Variants in ZFPM2 observed in about 807,000 individuals in gnomAD.
The protein encoded by ZFPM2 is zinc finger protein ZFPM2.
In ZFPM2, 20 loss-of-function variants were observed where a neutral mutation model predicts 98.6. The observed-to-expected ratio is 0.20, with a 90% CI of 0.14 to 0.29. ZFPM2 has a LOEUF of 0.29. Ranked by LOEUF, ZFPM2 falls within the 10% of genes least tolerant of loss-of-function variation. The probability of loss-of-function intolerance (pLI) is 1.00; values close to 1 mark genes in which losing one functional copy is unlikely to be tolerated. For missense variants in ZFPM2, 1,310 were observed against 1,388.6 expected, an observed-to-expected ratio of 0.94 and a Z score of 0.90; for synonymous variants, 518 against 502.7, an observed-to-expected ratio of 1.03 and a Z score of -0.41.
At chr8:105,424,047 T>C (rs1297519645) in intron 2 of ZFPM2, among the ~76,000 whole-genome samples, 2 of 152,120 alleles carry the variant, frequency 1.3e-5, no homozygotes, top group East Asian at 3.9e-4. Flanking sequence ...CTGGGAACAG[T>C]GTACGCTGCT....
At chr8:105,689,783 A>C (rs915544882) in intron 5 of ZFPM2, among the ~76,000 whole-genome samples, 3 of 152,218 alleles carry the variant, frequency 2.0e-5, no homozygotes, top group African/African-American at 7.2e-5. Context: ...ATATTTCAGC[A>C]GTTCAAGACT....
intron 4 of ZFPM2, among the ~76,000 whole-genome samples, chr8:105,600,646 T>A (rs1210339911): frequency 6.6e-6 from 1 of 152,130 alleles, no homozygotes; most frequent in Non-Finnish European, 1.5e-5. Context: ...TGCTCATTTT[T>A]TATTTTTTTA....
chr8:105,792,156 T>C (rs1056601712), intron 6 of ZFPM2, among the ~76,000 whole-genome samples: 17 of 152,170 alleles, frequency 1.1e-4, no homozygotes, highest in Admixed American at 7.2e-4. Flanking sequence ...TGCTCTTGCT[T>C]TTCTAGTTCT....
Position 105,493,286 on chromosome 8 carries a change from A to G in ZFPM2, c.301+48905A>G, listed in dbSNP as rs529671222. Among the ~76,000 whole-genome samples the G allele has an allele frequency of 2.6e-4, 39 of 152,336 alleles. No homozygotes were observed. The South Asian group carries it at 7.9e-3, about 31-fold the overall frequency. Reference sequence around the variant, plus strand: ...GTAACTTAGCAGCTGTCTGTGAACAAAGAAAAATGATTCTTGGAGGTGCTG... The same window carrying G: ...GTAACTTAGCAGCTGTCTGTGAACAGAGAAAAATGATTCTTGGAGGTGCTG... On this transcript the variant is annotated intron_variant, in intron 3 of 7. Transcript: ENST00000407775.
chr8:105,483,936 G>A (rs189579760), intron 3 of ZFPM2, among the ~76,000 whole-genome samples: 4 of 151,548 alleles, frequency 2.6e-5, no homozygotes, highest in African/African-American at 7.3e-5. Flanking sequence ...GGGTTTCACC[G>A]TGTTATCCAG....
intron 3 of ZFPM2, among the ~76,000 whole-genome samples, chr8:105,448,475 C>T (rs1193405524): frequency 6.6e-6 from 1 of 151,870 alleles, no homozygotes; most frequent in South Asian, 2.1e-4. Flanking sequence ...GTTAAAAGCA[C>T]TTGGGAGAAG....
chr8:105,360,227 A>G (rs1812830545), intron 1 of ZFPM2, among the ~76,000 whole-genome samples: 1 of 152,254 alleles, frequency 6.6e-6, no homozygotes, highest in Non-Finnish European at 1.5e-5. Context: ...GATGCTAAAA[A>G]ATAAGGAATA....
chr8:105,437,909 G>A (rs1228126394), intron 2 of ZFPM2, among the ~76,000 whole-genome samples: 1 of 152,012 alleles, frequency 6.6e-6, no homozygotes, highest in Non-Finnish European at 1.5e-5. Flanking sequence ...TGGGCATGGT[G>A]GTGCGCATCT....
intron 3 of ZFPM2, among the ~76,000 whole-genome samples, chr8:105,520,129 A>G (rs1814018874): frequency 6.6e-6 from 1 of 152,220 alleles, no homozygotes; most frequent in South Asian, 2.1e-4. Context: ...TGATGAAAGG[A>G]TCACAAAGAC....
intron 4 of ZFPM2, among the ~76,000 whole-genome samples, chr8:105,586,848 T>TTATATATA (rs35303072): frequency 6.8e-4 from 100 of 146,996 alleles, no homozygotes; most frequent in Non-Finnish European, 1.1e-3. Context: ...TATAAATATT[T>TTATATATA]TATATATATA....
At position 105,399,891 on chromosome 8, in the gene ZFPM2, G is replaced by A. The variant is rs375969550; in HGVS notation, c.41-19253G>A. Among the ~76,000 whole-genome samples, 7 of 151,922 alleles carry A rather than the reference G, an allele frequency of 4.6e-5. No individual in the cohort carries two copies. The East Asian group carries it at 1.4e-3, about 29-fold the overall frequency. On this transcript the variant is annotated intron_variant, in intron 1 of 7. Transcript: ENST00000407775. ...AGTAATTCTCTTGCCTCAGCCTCCC[G>A]AATAGTTGGGATTACAGGCATGCAC... is the stretch of plus-strand genomic sequence containing the variant.
intron 3 of ZFPM2, among the ~76,000 whole-genome samples, chr8:105,500,413 G>A (rs925098244): frequency 1.3e-5 from 2 of 151,968 alleles, no homozygotes; most frequent in African/African-American, 2.4e-5. Context: ...TAAGTGAATG[G>A]CATTTTTATA....
At chr8:105,410,675 A>C (rs560446033) in intron 1 of ZFPM2, among the ~76,000 whole-genome samples, 130 of 152,076 alleles carry the variant, frequency 8.5e-4, no homozygotes, top group African/African-American at 3.0e-3. Flanking sequence ...GTTAGATAAG[A>C]ATAGTAGCAA....
intron 3 of ZFPM2, among the ~76,000 whole-genome samples, chr8:105,448,652 C>T (rs1812425320): frequency 6.6e-6 from 1 of 151,918 alleles, no homozygotes; most frequent in Non-Finnish European, 1.5e-5. Flanking sequence ...ACGAAGTGTA[C>T]AGATTTTAGA....
intron 5 of ZFPM2, among the ~76,000 whole-genome samples, chr8:105,669,366 C>T (rs1199094423): frequency 2.0e-5 from 3 of 151,402 alleles, no homozygotes; most frequent in Non-Finnish European, 2.9e-5. Flanking sequence ...CACCTACTTT[C>T]GCATTTACTT....
intron 4 of ZFPM2, among the ~76,000 whole-genome samples, chr8:105,610,131 G>T (rs182873275): frequency 3.9e-5 from 6 of 152,216 alleles, no homozygotes; most frequent in Non-Finnish European, 7.4e-5. Flanking sequence ...GTAGTTCTGG[G>T]CAGCAAAAGG....
At chr8:105,789,166 T>A in intron 6 of ZFPM2, 1 of 325,852 alleles carries the variant, frequency 3.1e-6, no homozygotes, top group Non-Finnish European at 5.6e-6. Flanking sequence ...ACATGTGACA[T>A]GCTGGTGCGC....
At chr8:105,393,111 AT>A (rs1224540218) in intron 1 of ZFPM2, among the ~76,000 whole-genome samples, 1 of 152,100 alleles carries the variant, frequency 6.6e-6, no homozygotes, top group East Asian at 1.9e-4. Flanking sequence ...AACATCTGTA[AT>A]TTTTTTAAAG....
intron 3 of ZFPM2, among the ~76,000 whole-genome samples, chr8:105,543,639 C>T (rs1262887783): frequency 1.3e-5 from 2 of 152,066 alleles, no homozygotes; most frequent in Non-Finnish European, 2.9e-5. Context: ...TGTATCTTTT[C>T]TTTCATTTAT....
Sources: allele counts gnomAD v4.1 joint callset (sites outside exome capture counted in the v4.1 genomes callset), GRCh38; gene constraint gnomAD v4.1.1; transcripts MANE v1.5; gene names NCBI Gene and HGNC (gene_info 2026-07-23, HGNC 2026-07-21).